Variants in THSD4 observed in about 807,000 individuals in gnomAD.
THSD4 encodes the protein thrombospondin type-1 domain-containing protein 4.
THSD4 carries 69 observed loss-of-function variants against 119.0 expected under a neutral mutation model. The observed-to-expected ratio is 0.58, with a 90% CI of 0.48 to 0.71. The LOEUF is 0.71. Ranked by LOEUF, THSD4 falls within the 30% of genes least tolerant of loss-of-function variation. THSD4 has a pLI of 0.00. For synonymous variants in THSD4, 524 were observed against 540.4 expected, an observed-to-expected ratio of 0.97 and a Z score of 0.42; for missense variants, 1,393 against 1,391.1, an observed-to-expected ratio of 1.00 and a Z score of -0.02.
At chr15:71,159,587 A>T (rs1189075990) in intron 3 of THSD4, among the ~76,000 whole-genome samples, 1 of 152,070 alleles carries the variant, frequency 6.6e-6, no homozygotes, top group African/African-American at 2.4e-5. Flanking sequence ...TCTTTTTCAG[A>T]TAGTTTGCAA....
At chr15:71,605,143 G>A (rs2050084688) in intron 7 of THSD4, among the ~76,000 whole-genome samples, 1 of 152,182 alleles carries the variant, frequency 6.6e-6, no homozygotes, top group South Asian at 2.1e-4. Flanking sequence ...AAGGTGACCA[G>A]CGTCACTGGA....
At chr15:71,135,623 G>A (rs902679861) in intron 1 of THSD4, among the ~76,000 whole-genome samples, 1 of 152,122 alleles carries the variant, frequency 6.6e-6, no homozygotes, top group African/African-American at 2.4e-5. Flanking sequence ...TTTATTCAGG[G>A]GGTACCTTGA....
chr15:71,296,402 T>A (rs537373914), intron 6 of THSD4, among the ~76,000 whole-genome samples: 2 of 152,322 alleles, frequency 1.3e-5, no homozygotes, highest in East Asian at 3.9e-4. Flanking sequence ...CAGATACATC[T>A]GGTTCGTGGA....
At chr15:71,527,427 C>T (rs1314430215) in intron 7 of THSD4, among the ~76,000 whole-genome samples, 1 of 152,056 alleles carries the variant, frequency 6.6e-6, no homozygotes, top group Non-Finnish European at 1.5e-5. Flanking sequence ...AAAAATGTGA[C>T]AACAGAAGGA....
chr15:71,503,222 A>C (rs925849489), intron 7 of THSD4, among the ~76,000 whole-genome samples: 1 of 152,220 alleles, frequency 6.6e-6, no homozygotes, highest in Admixed American at 6.5e-5. Flanking sequence ...ACGTGCAAAG[A>C]CATTGGGAAT....
intron 6 of THSD4, among the ~76,000 whole-genome samples, chr15:71,324,132 T>G (rs2045310281): frequency 6.6e-6 from 1 of 152,090 alleles, no homozygotes; most frequent in African/African-American, 2.4e-5. Context: ...CTGTATCTGT[T>G]TATATATTGG....
At chr15:71,603,663 G>A (rs1028128907) in intron 7 of THSD4, among the ~76,000 whole-genome samples, 2 of 123,104 alleles carry the variant, frequency 1.6e-5, no homozygotes, top group African/African-American at 5.6e-5. Context: ...TTTGGTGCCT[G>A]AAGCTGGTGG....
intron 8 of THSD4, among the ~76,000 whole-genome samples, chr15:71,681,815 A>G (rs1414037969): frequency 1.3e-5 from 2 of 152,172 alleles, no homozygotes; most frequent in African/African-American, 4.8e-5. Context: ...TGGTACCAAG[A>G]TGTTCATGGG....
chr15:71,129,584 A>G (rs1886338332), intron 1 of THSD4, among the ~76,000 whole-genome samples: 1 of 152,180 alleles, frequency 6.6e-6, no homozygotes, highest in African/African-American at 2.4e-5. Context: ...GGTTTCCTTG[A>G]AAACATTTTC....
chr15:71,709,566 G>A (rs1595881333), intron 8 of THSD4, among the ~76,000 whole-genome samples: 1 of 152,200 alleles, frequency 6.6e-6, no homozygotes, highest in Non-Finnish European at 1.5e-5. Context: ...GCAGGAGGAG[G>A]CATCTAGGAA....
intron 6 of THSD4, among the ~76,000 whole-genome samples, chr15:71,357,597 C>T (rs2045836027): frequency 6.6e-6 from 1 of 152,174 alleles, no homozygotes; most frequent in African/African-American, 2.4e-5. Context: ...CCCCTCCTGG[C>T]TCTCCCGCCT....
At chr15:71,605,679 A>T (rs2050096070) in intron 7 of THSD4, among the ~76,000 whole-genome samples, 1 of 152,160 alleles carries the variant, frequency 6.6e-6, no homozygotes, top group Non-Finnish European at 1.5e-5. Context: ...TAGATTTTAG[A>T]CTGTAAAGTT....
At chr15:71,729,961 G>C (rs190703874) in intron 9 of THSD4, 16 of 152,240 alleles carry the variant, frequency 1.1e-4, no homozygotes, top group African/African-American at 3.9e-4. Context: ...TTTGATATTG[G>C]TTCCTGGGTA....
chr15:71,515,133 A>G (rs1204800343), intron 7 of THSD4, among the ~76,000 whole-genome samples: 1 of 152,178 alleles, frequency 6.6e-6, no homozygotes, highest in Non-Finnish European at 1.5e-5. Context: ...GGTTTTAGCA[A>G]TTTACATTCT....
At chr15:71,714,165 C>T (rs1341649987) in intron 8 of THSD4, among the ~76,000 whole-genome samples, 1 of 152,200 alleles carries the variant, frequency 6.6e-6, no homozygotes, top group Non-Finnish European at 1.5e-5. Flanking sequence ...ACCTATTCTT[C>T]TCATCCACAA....
At chr15:71,251,944 G>A (rs1290709424) in intron 5 of THSD4, among the ~76,000 whole-genome samples, 1 of 152,170 alleles carries the variant, frequency 6.6e-6, no homozygotes, top group Non-Finnish European at 1.5e-5. Flanking sequence ...TAAGGATTCA[G>A]CTAATCATAT....
At chr15:71,757,422 TA>T (rs371109523) in intron 14 of THSD4, among the ~76,000 whole-genome samples, 7,209 of 143,166 alleles carry the variant, frequency 0.05, 577 homozygotes, top group African/African-American at 0.2. Context: ...TGAATATATA[TA>T]TATTTTTTTA....
chr15:71,717,151 GT>G (rs2052626340), intron 8 of THSD4, among the ~76,000 whole-genome samples: 1 of 152,174 alleles, frequency 6.6e-6, no homozygotes, highest in African/African-American at 2.4e-5. Flanking sequence ...GGCTTCTGGT[GT>G]TTTGTAACAA....
chr15:71,643,511 T>TCC (rs2050907129), intron 7 of THSD4, among the ~76,000 whole-genome samples: 1 of 152,176 alleles, frequency 6.6e-6, no homozygotes, highest in South Asian at 2.1e-4. Context: ...CCTCTATGTG[T>TCC]CCATGTGTTC....
Sources: gnomAD v4.1 joint callset for allele counts (sites outside exome capture counted in the v4.1 genomes callset) on GRCh38, gnomAD v4.1.1 for gene constraint, MANE v1.5 for transcripts, NCBI Gene and HGNC (gene_info 2026-07-23, HGNC 2026-07-21) for gene names.